Variants in ZIC4 observed in about 807,000 individuals in gnomAD.
The protein encoded by ZIC4 is zinc finger protein ZIC 4.
A neutral mutation model predicts 28.8 loss-of-function variants in ZIC4; 15 were observed. The observed-to-expected ratio is 0.52, with a 90% CI of 0.35 to 0.80. The LOEUF (loss-of-function observed/expected upper bound fraction) is 0.80, where lower values mean the gene tolerates loss of function less well. ZIC4 is among the 30% of genes least tolerant of loss of function. The pLI, the probability that ZIC4 is intolerant of heterozygous loss-of-function variation, is 0.01. For missense variants in ZIC4, 512 were observed against 467.1 expected, an observed-to-expected ratio of 1.10 and a Z score of -0.89; for synonymous variants, 220 against 198.1, an observed-to-expected ratio of 1.11 and a Z score of -0.93.
intron 2 of ZIC4, chr3:147,397,033 C>A (rs1417742012): frequency 6.6e-6 from 1 of 152,262 alleles, no homozygotes; most frequent in African/African-American, 2.4e-5. Context: ...TGCCACCTGA[C>A]AGTGGGGAGG....
chr3:147,394,903 C>T (rs531736391), intron 3 of ZIC4, among the ~76,000 whole-genome samples: 1 of 152,172 alleles, frequency 6.6e-6, no homozygotes, highest in African/African-American at 2.4e-5. Flanking sequence ...AGGCAAGGCA[C>T]CGGGCAGTAG....
chr3:147,404,236 C>T, intron 1 of ZIC4: 3 of 1,445,180 alleles, frequency 2.1e-6, no homozygotes, highest in Non-Finnish European at 2.7e-6. Flanking sequence ...TCCCTGTCCA[C>T]CCATAAGGCA....
At chr3:147,403,208 G>T (rs755270214) in intron 1 of ZIC4, among the ~76,000 whole-genome samples, 3 of 152,076 alleles carry the variant, frequency 2.0e-5, no homozygotes, top group Non-Finnish European at 4.4e-5. Flanking sequence ...AGTGAGGTGT[G>T]GTGGGGAGAG....
chr3:147,393,167 T>C (rs370228508), intron 3 of ZIC4, among the ~76,000 whole-genome samples: 2 of 151,124 alleles, frequency 1.3e-5, no homozygotes, highest in East Asian at 3.9e-4. Flanking sequence ...GCCAAACGCT[T>C]ATCCGATCTC....
chr3:147,391,006 G>T lies in ZIC4; in HGVS notation c.929C>A (p.Ser310Ter), dbSNP rs1404701645. ...CTGGGACTTGTGGCCGCAGTCCGAC[G>T]AGGGCGACACGAGGGCAGACGGTGT... ...SATPSALVSPSSDCGHKSQVA... is the reference protein window; with the variant it reads ...SATPSALVSP The change falls in exon 4 of 5, where the codon TCG becomes TAG. Residue 310 changes from serine to a stop codon, truncating the protein, a stop_gained. Transcript: ENST00000383075. LOFTEE classifies it high-confidence loss of function. The T allele has an allele frequency of 6.2e-7, 1 of 1,613,306 alleles. No individual in the cohort carries two copies. Among genetic ancestry groups the T allele is most frequent in the Non-Finnish European group, 8.5e-7 (1 of 1,179,910 alleles).
chr3:147,389,599 G>T (rs1248869328), intron 4 of ZIC4, among the ~76,000 whole-genome samples: 5 of 152,068 alleles, frequency 3.3e-5, no homozygotes, highest in African/African-American at 1.2e-4. Context: ...GGGGAAAAAG[G>T]ACCTGATTTT....
Position 147,396,589 on chromosome 3 carries a change from C to A in ZIC4, c.71-120G>T. The A allele has an allele frequency of 2.3e-6, 3 of 1,297,638 alleles. No individual in the cohort carries two copies. Among genetic ancestry groups the A allele is most frequent in the Non-Finnish European group, 3.0e-6 (3 of 990,506 alleles). 80.4% of individuals were successfully genotyped at this position (1,297,638 alleles called of 1,614,324 possible). Reference sequence around the variant, plus strand: ...ACGGCCTCTGCAGTCAGCCGTGGAACTCAGAGCCAGACAGCGCCAGCAGTG... The same window carrying A: ...ACGGCCTCTGCAGTCAGCCGTGGAAATCAGAGCCAGACAGCGCCAGCAGTG... On this transcript the variant is annotated intron_variant, in intron 2 of 4. Coordinates refer to ENST00000383075, the MANE Select transcript of ZIC4 (RefSeq NM_032153.6). This position sits in a 1 kb window ranked among gnomAD's most constrained non-coding sequence, Gnocchi z 4.2.
Position 147,390,927 on chromosome 3 carries a change from G to C in ZIC4, c.1004+4C>G. The C allele has an allele frequency of 8.1e-6, 13 of 1,605,828 alleles. No homozygotes were observed. Among genetic ancestry groups the C allele is most frequent in the Non-Finnish European group, 1.1e-5 (13 of 1,176,274 alleles). On this transcript the variant is annotated splice_donor_region_variant and intron_variant, in intron 4 of 4. Coordinates refer to ENST00000383075, the MANE Select transcript of ZIC4 (RefSeq NM_032153.6). ...CTATGGGGCCCAAGCCCTGACACAC[G>C]TACCATTCGCTCAAGTCGGCGGTAC...
Position 147,404,312 on chromosome 3 carries a change from C to G in ZIC4, c.-15-1500G>C, listed in dbSNP as rs1559966343. The stretch of plus-strand genomic sequence containing the variant: ...CCAGGTCCTGTCAGCCTTTTGTGCA[C>G]TACAGACCCATAGACATGCAAACAA... On this transcript the variant is annotated intron_variant, in intron 1 of 4. Transcript: ENST00000383075. 3.8e-5 allele frequency: 53 copies of G among 1,383,058 alleles called. 2 individuals are homozygous for G. The South Asian group carries it at 8.6e-4, about 22-fold the overall frequency. 85.7% of individuals were successfully genotyped at this position (1,383,058 alleles called of 1,614,324 possible).
intron 1 of ZIC4, chr3:147,404,388 C>G (rs535832255): frequency 9.3e-5 from 87 of 933,084 alleles, no homozygotes; most frequent in Non-Finnish European, 1.1e-4. Context: ...AGGAGGCTCT[C>G]TGTAGCGTTT....
chr3:147,396,078 C>T lies in ZIC4; in HGVS notation c.462G>A (p.Leu154=), dbSNP rs771098949. Reference sequence around the variant, plus strand: ...CGTGCTCCACGGTGACGTGCGTGACCAGCTCGTGCATGGTGCTGAAAGTTT... The same window carrying T: ...CGTGCTCCACGGTGACGTGCGTGACTAGCTCGTGCATGGTGCTGAAAGTTT... ...CSKTFSTMHE[L]VTHVTVEHVG... is the part of the protein sequence containing the mutation. Residue 154 remains leucine, a synonymous_variant, in exon 3 of 5, where the codon CTG becomes CTA. Transcript: ENST00000383075. This position sits in a 1 kb window ranked among gnomAD's most constrained non-coding sequence, Gnocchi z 4.2. 6 of 1,614,248 alleles carry T rather than the reference C, an allele frequency of 3.7e-6. No individual in the cohort carries two copies. The Admixed American group carries it at 8.3e-5, about 22-fold the overall frequency.
rs1192765651 is a variant in ZIC4 at position 147,387,596 on chromosome 3, A to G, written c.*1263T>C. On this transcript the variant is annotated 3_prime_UTR_variant, in exon 5 of 5. Transcript: ENST00000383075. Reference sequence around the variant, plus strand: ...ACTGGGGTACTTGGATAAAATAAACAACAAGACAATTAAGGGAACATGGAC... The same window carrying G: ...ACTGGGGTACTTGGATAAAATAAACGACAAGACAATTAAGGGAACATGGAC... The G allele has an allele frequency of 6.6e-6, 1 of 152,648 alleles. No homozygotes were observed. The highest frequency in any genetic ancestry group is 2.4e-5 in the African/African-American group (1 of 41,432). The allele number at this position is 152,648 out of a possible 1,614,324, so 9.5% of individuals were successfully genotyped here. A position where few individuals can be genotyped will look rare whatever the true frequency, so the allele number is the denominator to read the frequency against.
chr3:147,392,299 G>A (rs954302771), intron 3 of ZIC4: 1 of 985,648 alleles, frequency 1.0e-6, no homozygotes, highest in Non-Finnish European at 1.2e-6. Flanking sequence ...GCCACCAGGC[G>A]GCTGGCATAG....
chr3:147,394,780 A>T (rs2087003984), intron 3 of ZIC4, among the ~76,000 whole-genome samples: 1 of 152,196 alleles, frequency 6.6e-6, no homozygotes, highest in Admixed American at 6.5e-5. Flanking sequence ...CGGGCCATGG[A>T]CCTTCCCCGG....
At chr3:147,391,784 C>A (rs770858035) in intron 3 of ZIC4, 3 of 225,662 alleles carry the variant, frequency 1.3e-5, no homozygotes, top group Non-Finnish European at 2.0e-5. Context: ...AACGCCAAAG[C>A]GATGAAATAA....
intron 1 of ZIC4, chr3:147,404,192 T>C (rs561808129): frequency 5.0e-4 from 742 of 1,485,960 alleles, no homozygotes; most frequent in Non-Finnish European, 6.2e-4. Flanking sequence ...ACTCTTTTGC[T>C]TCTGGGGGAA....
chr3:147,392,731 G>A (rs1353871827), intron 3 of ZIC4: 1 of 152,354 alleles, frequency 6.6e-6, no homozygotes, highest in Admixed American at 6.5e-5. Flanking sequence ...TTGAGGCTCG[G>A]ACAGAGAGGT....
At chr3:147,399,891 C>G (rs1202365540) in intron 2 of ZIC4, among the ~76,000 whole-genome samples, 5 of 152,136 alleles carry the variant, frequency 3.3e-5, no homozygotes, top group Non-Finnish European at 4.4e-5. Flanking sequence ...GTCTTGAACT[C>G]TTGACCTCAG....
intron 3 of ZIC4, chr3:147,392,375 G>T (rs2086945181): frequency 6.1e-6 from 6 of 985,550 alleles, no homozygotes; most frequent in East Asian, 1.1e-4. Context: ...GCGAGTGCAC[G>T]TTAGAGTGAC....
Sources: gnomAD v4.1 joint callset for allele counts (sites outside exome capture counted in the v4.1 genomes callset) on GRCh38, gnomAD v4.1.1 for gene constraint, Gnocchi (gnomAD v3.1) non-coding constraint, MANE v1.5 for transcripts, NCBI Gene and HGNC (gene_info 2026-07-23, HGNC 2026-07-21) for gene names.